DIO2: variants seen among roughly 807,000 people sequenced by gnomAD.
The protein encoded by DIO2 is iodothyronine deiodinase 2, also known as type II iodothyronine deiodinase.
A neutral mutation model predicts 21.4 loss-of-function variants in DIO2; 19 were observed. The ratio of observed to expected loss-of-function variants is 0.89; its 90% confidence interval spans 0.62 to 1.30. The LOEUF is 1.30. DIO2 is among the 50% of genes most tolerant of loss of function. The pLI, the probability that DIO2 is intolerant of heterozygous loss-of-function variation, is 0.00. For missense variants in DIO2, 302 were observed against 338.1 expected (o/e 0.89, Z 0.84); for synonymous variants, 122 against 132.9 (o/e 0.92, Z 0.57).
At chr14:80,206,058 CACAAA>C (rs1230828594) in intron 1 of DIO2, among the ~76,000 whole-genome samples, 1 of 152,150 alleles carries the variant, frequency 6.6e-6, no homozygotes, top group African/African-American at 2.4e-5. Flanking sequence ...CTGGTCAGTG[CACAAA>C]ACAAATGTGG....
chr14:80,227,427 G>A (rs1176361780), intron 2 of DIO2, among the ~76,000 whole-genome samples: 1 of 152,190 alleles, frequency 6.6e-6, no homozygotes, highest in East Asian at 1.9e-4. Flanking sequence ...TTTATGGCTA[G>A]ATGGGTCAGA....
intron 2 of DIO2, among the ~76,000 whole-genome samples, chr14:80,223,548 A>C (rs1888510418): frequency 6.6e-6 from 1 of 152,214 alleles, no homozygotes; most frequent in Non-Finnish European, 1.5e-5. Context: ...CCAGGGATGG[A>C]CTCAACAAAA....
Position 80,201,187 on chromosome 14 carries a change from C to T in DIO2, c.*1502G>A, listed in dbSNP as rs766132294. 4 of 151,432 alleles carry T rather than the reference C, an allele frequency of 2.6e-5. No homozygotes were observed. Among genetic ancestry groups the T allele is most frequent in the Admixed American group, 2.0e-4 (3 of 15,194 alleles). 9.4% of individuals were successfully genotyped at this position (151,432 alleles called of 1,614,324 possible). ...ATATTTTTTAAAATAGCATTATAAT[C>T]ATATACTATAGGGACTTTAGATTAC... On this transcript the variant is annotated 3_prime_UTR_variant, in exon 2 of 2. Coordinates refer to ENST00000438257, the MANE Select transcript of DIO2 (RefSeq NM_013989.5).
chr14:80,205,650 A>G, intron 1 of DIO2: 1 of 1,333,578 alleles, frequency 7.5e-7, no homozygotes, highest in Non-Finnish European at 9.8e-7. Context: ...CTTCTTAGAA[A>G]CAATGTATAG....
intron 1 of DIO2, chr14:80,205,716 G>T (rs1410885325): frequency 7.6e-7 from 1 of 1,322,780 alleles, no homozygotes; most frequent in Non-Finnish European, 9.9e-7. Flanking sequence ...GAAATTTAGA[G>T]TAAGTACAAC....
rs1418086882 is a variant in DIO2 at position 80,202,398 on chromosome 14, T to C, written c.*291A>G. ...AGCATGCATCAGATGTATCAGTTCC[T>C]TCTCAATGCAGAATGAACACATGCT... On this transcript the variant is annotated 3_prime_UTR_variant, in exon 2 of 2. Transcript: ENST00000438257. 1 of 641,334 alleles carries C rather than the reference T, an allele frequency of 1.6e-6. No individual in the cohort carries two copies. Among genetic ancestry groups the C allele is most frequent in the African/African-American group, 1.8e-5 (1 of 56,430 alleles). 39.7% of individuals were successfully genotyped at this position (641,334 alleles called of 1,614,324 possible). A position where few individuals can be genotyped will look rare whatever the true frequency, so the allele number is the denominator to read the frequency against.
At chr14:80,218,516 T>C (rs1888400419) in intron 2 of DIO2, among the ~76,000 whole-genome samples, 1 of 152,138 alleles carries the variant, frequency 6.6e-6, no homozygotes. Flanking sequence ...TTTCCAAGAT[T>C]CAAGGGAGAA....
rs1349828422 is a variant in DIO2, at chr14:80,197,807, C to T, written c.*4882G>A. ...GACTACATCCAACCACTAACTGAGT[C>T]GATGACTCTTTCGTCAGTAGTTATC... On this transcript the variant is annotated 3_prime_UTR_variant, in exon 2 of 2. Coordinates refer to ENST00000438257, the MANE Select transcript of DIO2 (RefSeq NM_013989.5). 1 of 152,616 alleles carries T rather than the reference C, an allele frequency of 6.6e-6. No individual in the cohort carries two copies. The highest frequency in any genetic ancestry group is 2.4e-5 in the African/African-American group (1 of 41,448). The allele number at this position is 152,616 out of a possible 1,614,324, so 9.5% of individuals were successfully genotyped here.
At chr14:80,226,894 G>T (rs1888587537) in intron 2 of DIO2, among the ~76,000 whole-genome samples, 1 of 152,216 alleles carries the variant, frequency 6.6e-6, no homozygotes, top group African/African-American at 2.4e-5. Flanking sequence ...TGACCAGAGA[G>T]ATCCATCCAC....
Position 80,202,409 on chromosome 14 carries a change from G to T in DIO2, c.*280C>A. On this transcript the variant is annotated 3_prime_UTR_variant, in exon 2 of 2. Coordinates refer to ENST00000438257, the MANE Select transcript of DIO2 (RefSeq NM_013989.5). ...GATGTATCAGTTCCTTCTCAATGCA[G>T]AATGAACACATGCTGAATTAGCGTT... 1 of 664,018 alleles carries T rather than the reference G, an allele frequency of 1.5e-6. No homozygotes were observed. Among genetic ancestry groups the T allele is most frequent in the Non-Finnish European group, 2.8e-6 (1 of 354,950 alleles). 41.1% of individuals were successfully genotyped at this position (664,018 alleles called of 1,614,324 possible). A position where few individuals can be genotyped will look rare whatever the true frequency, so the allele number is the denominator to read the frequency against.
In DIO2 at chr14:80,199,016, C is replaced by CCAT. The variant is rs1887605721; in HGVS notation, c.*3670_*3672dup. 4 of 152,218 alleles carry CCAT rather than the reference C, an allele frequency of 2.6e-5. No homozygotes were observed. The highest frequency in any genetic ancestry group is 9.7e-5 in the African/African-American group (4 of 41,448). The allele number at this position is 152,218 out of a possible 1,614,324, so 9.4% of individuals were successfully genotyped here. ...GGGTGGAACAAATGTCCAGATTCATCCATCCTCTTAAGATTGACATAAAGA... is the reference window on the plus strand; with the variant it reads ...GGGTGGAACAAATGTCCAGATTCATCCATCATCCTCTTAAGATTGACATAAAGA... On this transcript the variant is annotated 3_prime_UTR_variant, in exon 2 of 2. Coordinates refer to ENST00000438257, the MANE Select transcript of DIO2 (RefSeq NM_013989.5).
chr14:80,202,305 A>G lies in DIO2; in HGVS notation c.*384T>C, dbSNP rs902753920. ...AAATAGAGCCAAGGCAATACCCTTT[A>G]TCTTAACGTAGACAGTAGCTTCCCT... is the stretch of plus-strand genomic sequence containing the variant. On this transcript the variant is annotated 3_prime_UTR_variant, in exon 2 of 2. Coordinates refer to ENST00000438257, the MANE Select transcript of DIO2 (RefSeq NM_013989.5). 1.5e-5 allele frequency: 8 copies of G among 526,392 alleles called. No homozygotes were observed. In the African/African-American group the frequency reaches 1.5e-4, roughly 10 times the overall value. 32.6% of individuals were successfully genotyped at this position (526,392 alleles called of 1,614,324 possible). A position where few individuals can be genotyped will look rare whatever the true frequency, so the allele number is the denominator to read the frequency against.
chr14:80,208,925 G>T (rs1165859061), intron 1 of DIO2, among the ~76,000 whole-genome samples: 2 of 152,156 alleles, frequency 1.3e-5, no homozygotes, highest in African/African-American at 4.8e-5. Context: ...TCTGCACATG[G>T]TAGCTATTAC....
chr14:80,223,568 G>A (rs557841175), intron 2 of DIO2, among the ~76,000 whole-genome samples: 1 of 152,256 alleles, frequency 6.6e-6, no homozygotes, highest in Non-Finnish European at 1.5e-5. Flanking sequence ...AGTTATGTTA[G>A]GTACAGCATT....
rs181652125 is a variant in DIO2, at chr14:80,206,326, G to A, written c.223-3038C>T. On this transcript the variant is annotated intron_variant, in intron 1 of 1. Transcript: ENST00000438257. ...TGTCCATCTTTGCTAAAACCTGATG[G>A]AGGACAATTTAGCTAAAATAAAGAA... is the stretch of plus-strand genomic sequence containing the variant. The A allele has an allele frequency of 7.2e-5, 112 of 1,546,204 alleles. No homozygotes were observed. In the African/African-American group the frequency reaches 1.2e-3, roughly 16 times the overall value.
At chr14:80,205,651 C>T (rs773379888) in intron 1 of DIO2, 3 of 1,333,626 alleles carry the variant, frequency 2.2e-6, no homozygotes, top group Admixed American at 4.2e-5. Context: ...TTCTTAGAAA[C>T]AATGTATAGT....
chr14:80,229,320 C>T (rs1046829608), intron 2 of DIO2, among the ~76,000 whole-genome samples: 5 of 152,192 alleles, frequency 3.3e-5, no homozygotes, highest in African/African-American at 9.6e-5. Context: ...GCTACATCCA[C>T]TTTGCCTTTG....
intron 2 of DIO2, among the ~76,000 whole-genome samples, chr14:80,227,168 T>G (rs2140024085): frequency 6.6e-6 from 1 of 152,194 alleles, no homozygotes; most frequent in East Asian, 1.9e-4. Flanking sequence ...AGGTGGTGCC[T>G]GCATATCATG....
intron 2 of DIO2, among the ~76,000 whole-genome samples, chr14:80,223,811 G>T (rs976372847): frequency 6.6e-6 from 1 of 152,170 alleles, no homozygotes; most frequent in Non-Finnish European, 1.5e-5. Context: ...TGCCCATGTT[G>T]TAGACAAAGT....
Sources: gnomAD v4.1 joint callset for allele counts (sites outside exome capture counted in the v4.1 genomes callset) on GRCh38, gnomAD v4.1.1 for gene constraint, MANE v1.5 for transcripts, NCBI Gene and HGNC (gene_info 2026-07-23, HGNC 2026-07-21) for gene names.